The following ERCC4 variants were observed in gnomAD, a reference collection of about 807,000 sequenced individuals.
ERCC4 encodes the protein ERCC excision repair 4, endonuclease catalytic subunit, also known as DNA repair endonuclease XPF.
In ERCC4, 65 loss-of-function variants were observed where a neutral mutation model predicts 76.9. That is an observed-to-expected ratio of 0.84 (90% CI 0.69 to 1.04). ERCC4 has a LOEUF of 1.04. Among genes scored for constraint, ERCC4 ranks in the 50% least tolerant of loss-of-function variants. The pLI is 0.00. For synonymous variants in ERCC4, 463 were observed against 410.1 expected (o/e 1.13, Z -1.56); for missense variants, 1,214 against 1,128.2 (o/e 1.08, Z -1.09).
Position 13,948,370 on chromosome 16 carries a change from C to A in ERCC4, c.*23C>A. ...TGAACAGTGATGGCTGTTTTCTTATCCCATGCCTGTACTTTTCAGCGGCTC... is the reference window on the plus strand; with the variant it reads ...TGAACAGTGATGGCTGTTTTCTTATACCATGCCTGTACTTTTCAGCGGCTC... On this transcript the variant is annotated 3_prime_UTR_variant, in exon 11 of 11. Transcript: ENST00000311895. The A allele has an allele frequency of 6.2e-7, 1 of 1,604,314 alleles. No homozygotes were observed. Among genetic ancestry groups the A allele is most frequent in the Non-Finnish European group, 8.5e-7 (1 of 1,179,666 alleles).
intron 5 of ERCC4, chr16:13,931,557 A>G (rs2032172382): frequency 1.3e-5 from 2 of 156,602 alleles, no homozygotes. Flanking sequence ...ACCAGCATGT[A>G]CAATTATGGA....
chr16:13,947,585 C>T (rs375544829), intron 10 of ERCC4, 29 bp from the exon 11 acceptor site: 53 of 1,613,196 alleles, frequency 3.3e-5, no homozygotes, highest in Non-Finnish European at 4.2e-5. Context: ...AGTTCTTCCC[C>T]AGTGACATTA....
chr16:13,945,391 C>A lies in ERCC4; in HGVS notation c.2017+556C>A, dbSNP rs2032494710. Among the ~76,000 whole-genome samples the A allele has an allele frequency of 3.3e-5, 5 of 152,190 alleles. 1 individual carries two copies. In the South Asian group the frequency reaches 1.0e-3, roughly 32 times the overall value. The stretch of plus-strand genomic sequence containing the variant: ...AACTGTGGCATGCCACCAAGACCTG[C>A]TGAATTCCAAGTGCACTGTGATCCA... On this transcript the variant is annotated intron_variant, in intron 10 of 10. Transcript: ENST00000311895.
At chr16:13,932,420 A>T (rs2032191269) in intron 6 of ERCC4, 135 bp downstream of exon 6, 11 of 764,848 alleles carry the variant, frequency 1.4e-5, no homozygotes, top group Non-Finnish European at 2.4e-5. Context: ...TATGTTTGTT[A>T]TATGTAACAT....
intron 9 of ERCC4, among the ~76,000 whole-genome samples, chr16:13,939,364 C>G (rs1376735895): frequency 6.6e-6 from 1 of 152,072 alleles, no homozygotes; most frequent in East Asian, 1.9e-4. Flanking sequence ...GTGGAAAAGA[C>G]AGACATTAAA....
Position 13,949,832 on chromosome 16 carries a change from C to G in ERCC4, c.*1485C>G. On this transcript the variant is annotated 3_prime_UTR_variant, in exon 11 of 11. Transcript: ENST00000311895. ...CTACCTCAGGAGCTGATATAGACATCAGTTCTGCTAGCCATATCACATATT... is the reference window on the plus strand; with the variant it reads ...CTACCTCAGGAGCTGATATAGACATGAGTTCTGCTAGCCATATCACATATT... The G allele has an allele frequency of 4.3e-6, 1 of 232,528 alleles. No homozygotes were observed. Among genetic ancestry groups the G allele is most frequent in the Non-Finnish European group, 8.5e-6 (1 of 117,654 alleles). 14.4% of individuals were successfully genotyped at this position (232,528 alleles called of 1,614,324 possible).
rs758451676 is a variant in ERCC4 at position 13,937,814 on chromosome 16, C to G, written c.1860C>G (p.Leu620=). Residue 620 remains leucine (L), a synonymous_variant, in exon 9 of 11, where the codon CTC becomes CTG. Transcript: ENST00000311895. ...YGGSTEEQRY[L]TALRKEKEAF... ...GTTCAACTGAGGAACAACGCTATCT[C>G]ACTGCTTTGCGGAAAGAAAAGGAAG... 53 of 1,613,554 alleles carry G rather than the reference C, an allele frequency of 3.3e-5. No individual in the cohort carries two copies. Among genetic ancestry groups the G allele is most frequent in the Middle Eastern group, 1.6e-4 (1 of 6,084 alleles).
rs1479625597 is a variant in ERCC4, at chr16:13,952,299, T to A, written c.*3952T>A. 5.4e-6 allele frequency: 1 copy of A among 184,442 alleles called. No homozygotes were observed. The highest frequency in any genetic ancestry group is 1.2e-5 in the Non-Finnish European group (1 of 86,816). The allele number at this position is 184,442 out of a possible 1,614,324, so 11.4% of individuals were successfully genotyped here. On this transcript the variant is annotated 3_prime_UTR_variant, in exon 11 of 11. Transcript: ENST00000311895. ...AAATCCTGAAAATGTTTCATTTTTT[T>A]TGTTTTTGTTATGCAGAATAAACAA...
At position 13,949,238 on chromosome 16, in the gene ERCC4, A is replaced by G. The variant is rs191634336; in HGVS notation, c.*891A>G. On this transcript the variant is annotated 3_prime_UTR_variant, in exon 11 of 11. Transcript: ENST00000311895. ...CAGTCTCCTAATATCAGAGATCCCT[A>G]AGTCCAGCTGGCTAGTTACAGAGTT... 40 of 233,308 alleles carry G rather than the reference A, an allele frequency of 1.7e-4. No individual in the cohort carries two copies. The highest frequency in any genetic ancestry group is 7.7e-4 in the African/African-American group (35 of 45,446). 14.5% of individuals were successfully genotyped at this position (233,308 alleles called of 1,614,324 possible).
intron 10 of ERCC4, among the ~76,000 whole-genome samples, chr16:13,945,868 G>A (rs935758755): frequency 6.6e-6 from 1 of 152,166 alleles, no homozygotes; most frequent in African/African-American, 2.4e-5. Flanking sequence ...AGTTCTCCAC[G>A]CCTTCATATT....
intron 9 of ERCC4, among the ~76,000 whole-genome samples, chr16:13,939,703 G>A (rs2032376749): frequency 6.6e-6 from 1 of 152,164 alleles, no homozygotes; most frequent in South Asian, 2.1e-4. Flanking sequence ...CTGGCATCAA[G>A]CTGAGGAGTG....
At chr16:13,937,982 A>G in intron 9 of ERCC4, 124 bp downstream of exon 9, 1 of 711,660 alleles carries the variant, frequency 1.4e-6, no homozygotes, top group Admixed American at 2.0e-5. Flanking sequence ...TCACATTGAG[A>G]TAAACCTGTG....
chr16:13,928,732 T>C (rs955003361), intron 4 of ERCC4, among the ~76,000 whole-genome samples: 32 of 152,254 alleles, frequency 2.1e-4, no homozygotes, highest in South Asian at 8.3e-4. Flanking sequence ...TAACTAATTT[T>C]TTATTATAGA....
intron 5 of ERCC4, chr16:13,931,531 T>G (rs1055228207): frequency 3.2e-5 from 5 of 156,468 alleles, no homozygotes; most frequent in Admixed American, 1.9e-4. Context: ...GGCACTGCCT[T>G]GGTTCATGCT....
intron 1 of ERCC4, 23 bp from the exon 2 acceptor site, chr16:13,922,008 T>C (rs1284280054): frequency 6.4e-7 from 1 of 1,565,676 alleles, no homozygotes; most frequent in East Asian, 2.2e-5. Context: ...AATAGCCTAC[T>C]AATCAAGTTT....
intron 9 of ERCC4, 116 bp from the exon 10 acceptor site, chr16:13,944,607 G>T: frequency 2.7e-6 from 2 of 731,480 alleles, no homozygotes; most frequent in East Asian, 2.7e-5. Context: ...TTTTGTTTTT[G>T]TTTTTCTCTT....
chr16:13,930,620 C>A, intron 4 of ERCC4, 90 bp from the exon 5 acceptor site: 1 of 971,252 alleles, frequency 1.0e-6, no homozygotes, highest in Non-Finnish European at 1.6e-6. Flanking sequence ...TTTAGATACA[C>A]AGGAAATAAT....
chr16:13,921,523 C>T (rs996712845), intron 1 of ERCC4, among the ~76,000 whole-genome samples: 3 of 152,134 alleles, frequency 2.0e-5, no homozygotes, highest in African/African-American at 7.2e-5. Context: ...CCTAAGGCAA[C>T]ACACAGGGCC....
chr16:13,927,111 C>T lies in ERCC4; in HGVS notation c.584+355C>T, dbSNP rs181747950. 3.0e-4 allele frequency among the ~76,000 whole-genome samples: 45 copies of T among 152,274 alleles called. No individual in the cohort carries two copies. In the East Asian group the frequency reaches 3.3e-3, roughly 11 times the overall value. On this transcript the variant is annotated intron_variant, in intron 3 of 10. Coordinates refer to ENST00000311895, the MANE Select transcript of ERCC4 (RefSeq NM_005236.3). ...CAGCAGATTTATTGGCTAACATTAC[C>T]ACTTCTGCTTTGAAAATTACTCAAC... is the stretch of plus-strand genomic sequence containing the variant.
Sources: gnomAD v4.1 joint callset for allele counts (sites outside exome capture counted in the v4.1 genomes callset) on GRCh38, gnomAD v4.1.1 for gene constraint, MANE v1.5 for transcripts, NCBI Gene and HGNC (gene_info 2026-07-23, HGNC 2026-07-21) for gene names.